Variants in CREB5 observed in about 807,000 individuals in gnomAD.
The protein encoded by CREB5 is cyclic AMP-responsive element-binding protein 5.
In CREB5, 19 loss-of-function variants were observed where a neutral mutation model predicts 57.1. The ratio of observed to expected loss-of-function variants is 0.33; its 90% CI spans 0.23 to 0.49. The LOEUF is 0.49. Ranked by LOEUF, CREB5 falls within the 20% of genes least tolerant of loss-of-function variation. The probability of loss-of-function intolerance (pLI) is 0.99; values close to 1 mark genes in which losing one functional copy is unlikely to be tolerated. For synonymous variants in CREB5, 238 were observed against 238.3 expected (o/e 1.00, Z 0.01); for missense variants, 579 against 671.6 (o/e 0.86, Z 1.52).
At position 28,804,242 on chromosome 7, in the gene CREB5, A is replaced by T; in HGVS notation, c.746A>T (p.Asn249Ile). Reference sequence around the variant, plus strand: ...ACTCACCACCCTGCTGCCATGTCAAATGGGAACATGAACACCATGGGACAC... The same window carrying T: ...ACTCACCACCCTGCTGCCATGTCAATTGGGAACATGAACACCATGGGACAC... ...ALTHHPAAMS[N>I]GNMNTMGHMM... Residue 249 changes from asparagine to isoleucine, a missense_variant, in exon 8 of 11, where the codon AAT becomes ATT. Asn to Ile is a moderately radical substitution (Grantham distance 149). Around this residue, in one of 3 missense-constraint regions of CREB5, gnomAD observed 459 missense variants for 515.7 expected, o/e 0.89. Transcript: ENST00000357727. 6.2e-7 allele frequency: 1 copy of T among 1,614,088 alleles called. No homozygotes were observed. The highest frequency in any genetic ancestry group is 8.5e-7 in the Non-Finnish European group (1 of 1,179,980).
At chr7:28,479,149 C>A (rs1343462783) in intron 1 of CREB5, among the ~76,000 whole-genome samples, 1 of 152,104 alleles carries the variant, frequency 6.6e-6, no homozygotes, top group African/African-American at 2.4e-5. Context: ...CTTAATCTGC[C>A]TTTTACCCTA....
intron 1 of CREB5, among the ~76,000 whole-genome samples, chr7:28,433,358 G>A (rs1362681527): frequency 6.6e-6 from 1 of 152,064 alleles, no homozygotes; most frequent in African/African-American, 2.4e-5. Context: ...GTCAAAAATT[G>A]TTTTAATTTG....
At chr7:28,623,347 G>T (rs946847240) in intron 5 of CREB5, among the ~76,000 whole-genome samples, 2 of 152,192 alleles carry the variant, frequency 1.3e-5, no homozygotes, top group African/African-American at 4.8e-5. Flanking sequence ...CCTTGTGATT[G>T]CCTCTAGGCA....
intron 1 of CREB5, among the ~76,000 whole-genome samples, chr7:28,375,509 T>A (rs1345866349): frequency 2.6e-5 from 4 of 152,036 alleles, no homozygotes; most frequent in African/African-American, 9.7e-5. Context: ...TAAAAGAGTA[T>A]CATTGGATTG....
At chr7:28,318,800 G>A (rs1019016003) in intron 1 of CREB5, among the ~76,000 whole-genome samples, 1 of 152,194 alleles carries the variant, frequency 6.6e-6, no homozygotes, top group Non-Finnish European at 1.5e-5. Context: ...CTGCTACATT[G>A]AAGAGGAAGA....
chr7:28,647,148 A>G (rs577261750), intron 5 of CREB5, among the ~76,000 whole-genome samples: 2 of 151,696 alleles, frequency 1.3e-5, no homozygotes, highest in South Asian at 2.1e-4. Flanking sequence ...AGATCAGAGT[A>G]GCTCCAGATG....
At chr7:28,537,506 A>T (rs1348210381) in intron 4 of CREB5, among the ~76,000 whole-genome samples, 1 of 152,172 alleles carries the variant, frequency 6.6e-6, no homozygotes, top group Non-Finnish European at 1.5e-5. Context: ...CAAAGATGGG[A>T]GATGGCAGAG....
chr7:28,686,543 G>A (rs559720199), intron 5 of CREB5, among the ~76,000 whole-genome samples: 1 of 152,062 alleles, frequency 6.6e-6, no homozygotes, highest in African/African-American at 2.4e-5. Context: ...AATAAAGAGC[G>A]AAGCGAGAAA....
At chr7:28,384,810 A>T (rs1247871566) in intron 1 of CREB5, among the ~76,000 whole-genome samples, 1 of 152,212 alleles carries the variant, frequency 6.6e-6, no homozygotes, top group Non-Finnish European at 1.5e-5. Context: ...AAAGATATTA[A>T]TCTGAGTTCC....
chr7:28,427,197 T>C (rs565231362), intron 1 of CREB5, among the ~76,000 whole-genome samples: 6 of 152,352 alleles, frequency 3.9e-5, no homozygotes, highest in South Asian at 2.1e-4. Flanking sequence ...GCATTCTTTG[T>C]GCAGAGAGGA....
intron 1 of CREB5, among the ~76,000 whole-genome samples, chr7:28,313,968 C>T (rs997878131): frequency 1.4e-4 from 21 of 152,154 alleles, no homozygotes; most frequent in African/African-American, 5.1e-4. Context: ...ATTGACACCA[C>T]TGAAAAAATA....
chr7:28,428,910 C>T (rs566799867), intron 1 of CREB5, among the ~76,000 whole-genome samples: 1 of 152,320 alleles, frequency 6.6e-6, no homozygotes, highest in East Asian at 1.9e-4. Flanking sequence ...TATGCTGCCC[C>T]TTCTGCCTAG....
At chr7:28,590,356 T>G (rs1204072430) in intron 5 of CREB5, among the ~76,000 whole-genome samples, 3 of 151,624 alleles carry the variant, frequency 2.0e-5, no homozygotes, top group South Asian at 2.1e-4. Context: ...CCATAAAAAA[T>G]GATGAGTTCA....
At chr7:28,701,945 A>G (rs903671578) in intron 5 of CREB5, among the ~76,000 whole-genome samples, 1 of 152,218 alleles carries the variant, frequency 6.6e-6, no homozygotes, top group African/African-American at 2.4e-5. Context: ...TAGGCCAAAG[A>G]GTCTGCCAGA....
chr7:28,824,601 A>C lies in CREB5; in HGVS notation c.*5322A>C, dbSNP rs927598865. On this transcript the variant is annotated 3_prime_UTR_variant, in exon 11 of 11. Transcript: ENST00000357727. ...TTCAATACCAAAACAAACACAAAGA[A>C]ATTTAAAAAACAAAAAACCTAGCTC... is the stretch of plus-strand genomic sequence containing the variant. The C allele has an allele frequency of 2.0e-5, 3 of 152,658 alleles. No homozygotes were observed. The highest frequency in any genetic ancestry group is 4.4e-5 in the Non-Finnish European group (3 of 68,044). The allele number at this position is 152,658 out of a possible 1,614,324, so 9.5% of individuals were successfully genotyped here.
chr7:28,347,120 C>T (rs1302181504), intron 1 of CREB5, among the ~76,000 whole-genome samples: 1 of 152,186 alleles, frequency 6.6e-6, no homozygotes, highest in Admixed American at 6.5e-5. Flanking sequence ...TGGGGCTTAT[C>T]ATGCCATAAA....
At chr7:28,337,450 CT>C (rs1264270044) in intron 1 of CREB5, among the ~76,000 whole-genome samples, 1 of 151,846 alleles carries the variant, frequency 6.6e-6, no homozygotes, top group Admixed American at 6.6e-5. Flanking sequence ...TATATAATGA[CT>C]TTCTTTGTCT....
intron 9 of CREB5, among the ~76,000 whole-genome samples, chr7:28,811,628 A>C (rs990349210): frequency 6.6e-6 from 1 of 152,150 alleles, no homozygotes; most frequent in Non-Finnish European, 1.5e-5. Context: ...ACCTCGGCCT[A>C]CAAAAGTGTT....
chr7:28,478,592 G>A lies in CREB5; in HGVS notation c.4-9583G>A, dbSNP rs147524854. Among the ~76,000 whole-genome samples, 636 of 152,188 alleles carry A rather than the reference G, an allele frequency of 4.2e-3. 4 individuals carry two copies. The highest frequency in any genetic ancestry group is 0.014 in the African/African-American group (596 of 41,528). Reference sequence around the variant, plus strand: ...TCTATTTAAGTATAAAAAAAGAAAGGAAAACACATTCTCTATGATGGAGCT... The same window carrying A: ...TCTATTTAAGTATAAAAAAAGAAAGAAAAACACATTCTCTATGATGGAGCT... On this transcript the variant is annotated intron_variant, in intron 1 of 10. Transcript: ENST00000357727.
Sources: gnomAD v4.1 joint callset for allele counts (sites outside exome capture counted in the v4.1 genomes callset) on GRCh38, gnomAD v4.1.1 for gene constraint, gnomAD v4.1.1 regional missense constraint, MANE v1.5 for transcripts, NCBI Gene and HGNC (gene_info 2026-07-23, HGNC 2026-07-21) for gene names.